TCF4: variants seen among roughly 807,000 people sequenced by gnomAD.
TCF4 encodes SL3-3 enhancer factor 2.
Under a neutral mutation model 82.1 loss-of-function variants are expected in TCF4, and 3 were observed. The observed-to-expected ratio is 0.04, with a 90% CI of 0.02 to 0.09. TCF4 has a LOEUF of 0.09. Ranked by LOEUF, TCF4 falls within the 10% of genes least tolerant of loss-of-function variation. TCF4 has a pLI of 1.00. For missense variants in TCF4, 518 were observed against 852.7 expected (o/e 0.61, Z 4.89); for synonymous variants, 276 against 309.6 (o/e 0.89, Z 1.14).
chr18:55,621,818 A>G (rs1428777906), intron 2 of TCF4, among the ~76,000 whole-genome samples: 1 of 83,010 alleles, frequency 1.2e-5, no homozygotes, highest in East Asian at 3.3e-4. Context: ...TATATATTAT[A>G]TTATATAATA....
intron 3 of TCF4, among the ~76,000 whole-genome samples, chr18:55,560,712 T>A (rs1051705055): frequency 3.3e-5 from 5 of 152,152 alleles, no homozygotes; most frequent in African/African-American, 9.7e-5. Flanking sequence ...AGTAATAAAG[T>A]CATGATAAAC....
chr18:55,436,792 T>C (rs149098414), intron 5 of TCF4, among the ~76,000 whole-genome samples: 22 of 152,320 alleles, frequency 1.4e-4, no homozygotes, highest in African/African-American at 5.1e-4. Flanking sequence ...GACATACAAC[T>C]AAATATCTTT....
At chr18:55,318,984 T>C (rs971170880) in intron 8 of TCF4, among the ~76,000 whole-genome samples, 1 of 152,194 alleles carries the variant, frequency 6.6e-6, no homozygotes, top group African/African-American at 2.4e-5. Flanking sequence ...CTCTGGCCTC[T>C]CTCAGTTCAG....
chr18:55,583,563 T>A (rs182297642), intron 3 of TCF4, among the ~76,000 whole-genome samples: 1 of 152,144 alleles, frequency 6.6e-6, no homozygotes, highest in Non-Finnish European at 1.5e-5. Context: ...ATCTCATATT[T>A]CTAAACACCT....
chr18:55,390,434 A>G (rs1359345973), intron 6 of TCF4, among the ~76,000 whole-genome samples: 1 of 152,118 alleles, frequency 6.6e-6, no homozygotes, highest in African/African-American at 2.4e-5. Flanking sequence ...TTCCTAATAA[A>G]TATCTACTGA....
intron 8 of TCF4, among the ~76,000 whole-genome samples, chr18:55,306,740 A>C (rs2070492596): frequency 6.6e-6 from 1 of 152,224 alleles, no homozygotes; most frequent in Admixed American, 6.5e-5. Flanking sequence ...TTACAGATAC[A>C]AAGATGTCAG....
At chr18:55,578,193 G>A (rs1344965845) in intron 3 of TCF4, among the ~76,000 whole-genome samples, 5 of 152,076 alleles carry the variant, frequency 3.3e-5, no homozygotes, top group Non-Finnish European at 5.9e-5. Flanking sequence ...AAGTGGGCTG[G>A]ATTACAACGT....
rs934093618 is a variant in TCF4, at chr18:55,224,810, C to T, written c.*3225G>A. 2.0e-5 allele frequency: 3 copies of T among 152,544 alleles called. No individual in the cohort carries two copies. Among genetic ancestry groups the T allele is most frequent in the Admixed American group, 2.0e-4 (3 of 15,264 alleles). The allele number at this position is 152,544 out of a possible 1,614,324, so 9.4% of individuals were successfully genotyped here. A position where few individuals can be genotyped will look rare whatever the true frequency, so the allele number is the denominator to read the frequency against. On this transcript the variant is annotated 3_prime_UTR_variant, in exon 20 of 20. Transcript: ENST00000354452. ...TCTAGATGAACAGATCCCTATTCTGCATATTCATAAATTACTTGAATGTGG... is the reference window on the plus strand; with the variant it reads ...TCTAGATGAACAGATCCCTATTCTGTATATTCATAAATTACTTGAATGTGG...
chr18:55,423,138 C>T (rs1446612773), intron 5 of TCF4, among the ~76,000 whole-genome samples: 5 of 149,592 alleles, frequency 3.3e-5, no homozygotes, highest in Admixed American at 1.3e-4. Context: ...TGTTTTTAGG[C>T]GATAATGGTC....
chr18:55,264,146 T>C (rs2058619888), intron 11 of TCF4, among the ~76,000 whole-genome samples: 1 of 152,200 alleles, frequency 6.6e-6, no homozygotes, highest in African/African-American at 2.4e-5. Flanking sequence ...TCTTTAGAAC[T>C]ACACCTTTCT....
In TCF4 at chr18:55,275,629, T is replaced by C; in HGVS notation, c.779A>G (p.His260Arg). Residue 260 changes from histidine (H) to arginine (R), a missense_variant, in exon 10 of 20, where the codon CAT (histidine) becomes CGT (arginine). His to Arg is a conservative substitution (Grantham distance 29). Transcript: ENST00000354452. ...GTATGTCTGCCTTACCAAACGTTCA[T>C]GTGGATGCAGGCTACAGTAGCTGCT... ...QSSSYCSLHP[H>R]ERLSYPSHSS... 1 of 1,613,758 alleles carries C rather than the reference T, an allele frequency of 6.2e-7. No homozygotes were observed. Among genetic ancestry groups the C allele is most frequent in the Non-Finnish European group, 8.5e-7 (1 of 1,179,742 alleles).
At chr18:55,350,451 T>A in intron 7 of TCF4, 43 bp from the exon 8 acceptor site, 1 of 1,607,768 alleles carries the variant, frequency 6.2e-7, no homozygotes, top group Non-Finnish European at 8.5e-7. Flanking sequence ...AATGCCCATT[T>A]TCCTAACTAA....
rs569648312 is a variant in TCF4, at chr18:55,496,715, A to G, written c.146-32578T>C. On this transcript the variant is annotated intron_variant, in intron 3 of 19. Coordinates refer to ENST00000354452, the MANE Select transcript of TCF4 (RefSeq NM_001083962.2). ...CTGTACAATCTGTCACAATAATAAC[A>G]AAAATAATGAAAGCCATAGTAACCC... is the stretch of plus-strand genomic sequence containing the variant. 1.8e-4 allele frequency among the ~76,000 whole-genome samples: 28 copies of G among 152,258 alleles called. No homozygotes were observed. The South Asian group carries it at 5.2e-3, about 28-fold the overall frequency.
chr18:55,459,296 T>C (rs2095828299), intron 5 of TCF4, among the ~76,000 whole-genome samples: 1 of 152,204 alleles, frequency 6.6e-6, no homozygotes, highest in African/African-American at 2.4e-5. Context: ...CTAATTTGAT[T>C]TGTAAAGCAG....
chr18:55,610,424 A>C (rs2097705985), intron 2 of TCF4, among the ~76,000 whole-genome samples: 1 of 152,108 alleles, frequency 6.6e-6, no homozygotes, highest in African/African-American at 2.4e-5. Context: ...CAGGACATGG[A>C]GGCTCTGATC....
intron 3 of TCF4, among the ~76,000 whole-genome samples, chr18:55,513,530 T>A (rs1005930476): frequency 1.3e-5 from 2 of 152,014 alleles, no homozygotes; most frequent in African/African-American, 4.8e-5. Flanking sequence ...GAAAAAAAAA[T>A]TTTAAAAGCA....
chr18:55,327,882 G>A (rs556455275), intron 8 of TCF4, among the ~76,000 whole-genome samples: 2 of 152,220 alleles, frequency 1.3e-5, no homozygotes, highest in East Asian at 3.9e-4. Context: ...TCAAATTTCA[G>A]TATACAGTGA....
intron 6 of TCF4, among the ~76,000 whole-genome samples, chr18:55,382,928 C>G (rs1027837068): frequency 2.6e-5 from 4 of 152,302 alleles, no homozygotes; most frequent in South Asian, 4.1e-4. Flanking sequence ...CTATATAGGC[C>G]AAGCCTTCAT....
intron 6 of TCF4, among the ~76,000 whole-genome samples, chr18:55,380,268 CT>C (rs944614819): frequency 9.6e-4 from 141 of 147,194 alleles, no homozygotes; most frequent in African/African-American, 3.1e-3. Flanking sequence ...CTTTACTTTT[CT>C]TTTTTTTTTT....
Sources: gnomAD v4.1 joint callset for allele counts (sites outside exome capture counted in the v4.1 genomes callset) on GRCh38, gnomAD v4.1.1 for gene constraint, MANE v1.5 for transcripts, NCBI Gene and HGNC (gene_info 2026-07-23, HGNC 2026-07-21) for gene names.